Variants in C12orf56 observed in about 807,000 individuals in gnomAD.
C12orf56 encodes the protein chromosome 12 open reading frame 56.
A neutral mutation model predicts 69.9 loss-of-function variants in C12orf56; 71 were observed. That is an observed-to-expected ratio of 1.02 (90% CI 0.84 to 1.24). The LOEUF is 1.24. Among genes scored for constraint, C12orf56 ranks in the 50% most tolerant of loss-of-function variants. The probability of loss-of-function intolerance (pLI) is 0.00; values close to 1 mark genes in which losing one functional copy is unlikely to be tolerated. For missense variants in C12orf56, 732 were observed against 738.5 expected (o/e 0.99, Z 0.10); for synonymous variants, 276 against 274.1 (o/e 1.01, Z -0.07).
intron 2 of C12orf56, among the ~76,000 whole-genome samples, chr12:64,334,769 G>C (rs543000400): frequency 6.6e-6 from 1 of 152,112 alleles, no homozygotes; most frequent in South Asian, 2.1e-4. Context: ...GTTCAGTTTA[G>C]ATTTCATTAA....
intron 7 of C12orf56, among the ~76,000 whole-genome samples, chr12:64,285,232 G>A (rs772446184): frequency 1.3e-5 from 2 of 151,858 alleles, no homozygotes; most frequent in Admixed American, 1.3e-4. Context: ...ATAGCTGGAT[G>A]TCAGTACTAA....
intron 1 of C12orf56, 95 bp downstream of exon 1, chr12:64,390,219 G>A (rs1592513409): frequency 4.9e-6 from 7 of 1,432,704 alleles, no homozygotes; most frequent in African/African-American, 1.4e-5. Context: ...GGCAGGATGG[G>A]GCAGCCCTCC....
chr12:64,324,203 A>G (rs1019820133), intron 3 of C12orf56, among the ~76,000 whole-genome samples: 2 of 152,236 alleles, frequency 1.3e-5, no homozygotes, highest in African/African-American at 2.4e-5. Context: ...AACAAATATT[A>G]AGCACCTAGT....
chr12:64,324,587 G>C (rs757592216), intron 3 of C12orf56, among the ~76,000 whole-genome samples: 1 of 152,240 alleles, frequency 6.6e-6, no homozygotes, highest in South Asian at 2.1e-4. Context: ...AACAAGAGAA[G>C]TAAGAGGTGA....
Position 64,284,705 on chromosome 12 carries a change from T to C in C12orf56, c.1269A>G (p.Thr423=), listed in dbSNP as rs1406628881. ...IQTLVLMFRE[T]ETESSRLNTL... ...TGTTCAGGCGTGATGACTCGGTTTC[T>C]GTTTCTCTGAACATCAATACTAGGG... The change falls in exon 8 of 13, where the codon ACA becomes ACG. Residue 423 remains threonine (T), a synonymous_variant. Transcript: ENST00000543942. 11 of 1,612,226 alleles carry C rather than the reference T, an allele frequency of 6.8e-6. No homozygotes were observed. The African/African-American group carries it at 1.2e-4, about 18-fold the overall frequency.
intron 4 of C12orf56, among the ~76,000 whole-genome samples, chr12:64,317,736 G>T (rs533439719): frequency 6.6e-6 from 1 of 152,070 alleles, no homozygotes; most frequent in Admixed American, 6.6e-5. Flanking sequence ...CTCCAGCCTG[G>T]GTGACAAGAG....
chr12:64,295,732 A>G (rs1206199014), intron 6 of C12orf56, among the ~76,000 whole-genome samples: 1 of 151,734 alleles, frequency 6.6e-6, no homozygotes, highest in African/African-American at 2.4e-5. Context: ...ATTAAAAAAT[A>G]AAGACCACTT....
At position 64,308,927 on chromosome 12, in the gene C12orf56, AGAAAGAAAGAAAGAAGAAAGAAAG is replaced by A. The variant is rs1435471802; in HGVS notation, c.968+3728_968+3751del. On this transcript the variant is annotated intron_variant, in intron 5 of 12. Coordinates refer to ENST00000543942, the MANE Select transcript of C12orf56 (RefSeq NM_001170633.2). ...AAGAAAGAAAGAAAGAAAGAAAGAA[AGAAAGAAAGAAAGAAGAAAGAAAG>A]AAAGAAAGAAAGAAAGAAAGAAAAG... 4.1e-4 allele frequency among the ~76,000 whole-genome samples: 28 copies of A among 68,624 alleles called. 1 individual carries two copies. Among genetic ancestry groups the A allele is most frequent in the African/African-American group, 3.1e-4 (5 of 16,076 alleles). 45.0% of individuals were successfully genotyped at this position (68,624 alleles called of 152,430 possible).
At chr12:64,382,667 G>A (rs1225048039) in intron 1 of C12orf56, among the ~76,000 whole-genome samples, 1 of 151,976 alleles carries the variant, frequency 6.6e-6, no homozygotes, top group Non-Finnish European at 1.5e-5. Context: ...AAGGTCAGGA[G>A]ATCGAAACCA....
intron 3 of C12orf56, among the ~76,000 whole-genome samples, chr12:64,322,068 C>T (rs1194712434): frequency 6.6e-6 from 1 of 150,852 alleles, no homozygotes; most frequent in South Asian, 2.1e-4. Context: ...TGGTTTTGAA[C>T]TCCTGGGCTC....
intron 7 of C12orf56, among the ~76,000 whole-genome samples, chr12:64,285,005 C>T (rs1545098): frequency 0.7 from 106,663 of 151,948 alleles, 38,652 homozygotes; most frequent in Non-Finnish European, 0.8. Flanking sequence ...AATCCCAGCA[C>T]TTTGGGAGGC....
intron 6 of C12orf56, among the ~76,000 whole-genome samples, chr12:64,303,419 C>T (rs2038472331): frequency 6.6e-6 from 1 of 150,846 alleles, no homozygotes; most frequent in Admixed American, 6.7e-5. Flanking sequence ...TGCTACCACT[C>T]CCCTCTCTTC....
chr12:64,339,368 T>TATTACCAGTTTATTATAAAGG (rs2039042762), intron 2 of C12orf56, among the ~76,000 whole-genome samples: 1 of 152,112 alleles, frequency 6.6e-6, no homozygotes, highest in Non-Finnish European at 1.5e-5. Flanking sequence ...CTTCATTTCC[T>TATTACCAGTTTATTATAAAGG]ATTACCAGTT....
intron 1 of C12orf56, among the ~76,000 whole-genome samples, chr12:64,373,656 G>A (rs1032415852): frequency 6.6e-6 from 1 of 152,132 alleles, no homozygotes; most frequent in African/African-American, 2.4e-5. Context: ...CTCCACTAAA[G>A]GAAGGAAAGC....
chr12:64,330,738 A>G (rs1592459946), intron 3 of C12orf56, among the ~76,000 whole-genome samples: 1 of 152,186 alleles, frequency 6.6e-6, no homozygotes, highest in Non-Finnish European at 1.5e-5. Flanking sequence ...TGTGACATCT[A>G]TATGTTCAGT....
At chr12:64,367,709 G>T (rs1209379189) in intron 1 of C12orf56, among the ~76,000 whole-genome samples, 1 of 151,048 alleles carries the variant, frequency 6.6e-6, no homozygotes, top group Non-Finnish European at 1.5e-5. Context: ...TCACCATGTT[G>T]GCCAGGCTGG....
At chr12:64,282,279 GC>G (rs1320843809) in intron 8 of C12orf56, among the ~76,000 whole-genome samples, 1 of 152,250 alleles carries the variant, frequency 6.6e-6, no homozygotes, top group Non-Finnish European at 1.5e-5. Context: ...TGGCCTGCAG[GC>G]CAAATCCAGC....
At chr12:64,343,013 C>T (rs1019107646) in intron 2 of C12orf56, among the ~76,000 whole-genome samples, 14 of 152,308 alleles carry the variant, frequency 9.2e-5, no homozygotes, top group Admixed American at 9.1e-4. Flanking sequence ...TCAAAACTGG[C>T]AGCCTTTCAG....
chr12:64,271,952 T>C (rs763542943), intron 11 of C12orf56, among the ~76,000 whole-genome samples: 2 of 152,256 alleles, frequency 1.3e-5, no homozygotes, highest in African/African-American at 2.4e-5. Context: ...ACTGGGTTAA[T>C]ATTGAAGCTT....
Sources: gnomAD v4.1 joint callset for allele counts (sites outside exome capture counted in the v4.1 genomes callset) on GRCh38, gnomAD v4.1.1 for gene constraint, MANE v1.5 for transcripts, NCBI Gene and HGNC (gene_info 2026-07-23, HGNC 2026-07-21) for gene names.